Variants in CORO2B observed in about 807,000 individuals in gnomAD.
CORO2B encodes coronin 2B.
In CORO2B, 26 loss-of-function variants were observed where a neutral mutation model predicts 58.8. The ratio of observed to expected loss-of-function variants is 0.44; its 90% CI spans 0.32 to 0.61. The LOEUF is 0.61. Ranked by LOEUF, CORO2B falls within the 20% of genes least tolerant of loss-of-function variation. The pLI is 0.04. For synonymous variants in CORO2B, 242 were observed against 253.8 expected, an observed-to-expected ratio of 0.95 and a Z score of 0.44; for missense variants, 460 against 645.1, an observed-to-expected ratio of 0.71 and a Z score of 3.11.
chr15:68,650,080 C>T (rs887886950), intron 2 of CORO2B, among the ~76,000 whole-genome samples: 1 of 152,014 alleles, frequency 6.6e-6, no homozygotes, highest in Non-Finnish European at 1.5e-5. Context: ...ATGCAATATG[C>T]GATTAATCAC....
At chr15:68,626,192 C>G (rs373354451) in intron 1 of CORO2B, among the ~76,000 whole-genome samples, 27 of 152,278 alleles carry the variant, frequency 1.8e-4, no homozygotes, top group African/African-American at 6.5e-4. Context: ...GCACACAGTT[C>G]CAGTGCTTAC....
At chr15:68,524,872 T>TATAATATA in the CORO2B span, among the ~76,000 whole-genome samples, 1 of 152,234 alleles carries the variant, frequency 6.6e-6, no homozygotes, top group South Asian at 2.1e-4. Context: ...TTGCAGCAGC[T>TATAATATA]GATCAGAGGC....
At chr15:68,608,825 A>G (rs1197372711) in intron 1 of CORO2B, among the ~76,000 whole-genome samples, 1 of 152,092 alleles carries the variant, frequency 6.6e-6, no homozygotes, top group Non-Finnish European at 1.5e-5. Flanking sequence ...GGGGAGTTGA[A>G]ATTCCGCACT....
At chr15:68,641,215 C>T (rs189510831) in intron 1 of CORO2B, among the ~76,000 whole-genome samples, 171 of 152,314 alleles carry the variant, frequency 1.1e-3, no homozygotes, top group East Asian at 4.1e-3. Flanking sequence ...GGCCCATCCC[C>T]GGGGAACACG....
the CORO2B span, among the ~76,000 whole-genome samples, chr15:68,559,279 G>A: frequency 6.6e-6 from 1 of 152,184 alleles, no homozygotes; most frequent in African/African-American, 2.4e-5. The surrounding 1 kb of genome is among the most constrained non-coding windows in gnomAD (Gnocchi z 4.3). Flanking sequence ...ATAATCAGCC[G>A]GTTAATTCCC....
intron 2 of CORO2B, among the ~76,000 whole-genome samples, chr15:68,651,797 C>A (rs749838525): frequency 3.3e-5 from 5 of 152,232 alleles, no homozygotes; most frequent in Non-Finnish European, 5.9e-5. Context: ...CGAGGCCACA[C>A]CTCCTGAGGG....
chr15:68,646,132 C>T (rs1901421447), intron 2 of CORO2B, among the ~76,000 whole-genome samples: 1 of 152,008 alleles, frequency 6.6e-6, no homozygotes, highest in Non-Finnish European at 1.5e-5. Context: ...TACCTTCTTC[C>T]CCATCCCCCA....
At chr15:68,706,314 C>A (rs184739092) in intron 3 of CORO2B, among the ~76,000 whole-genome samples, 52 of 152,324 alleles carry the variant, frequency 3.4e-4, no homozygotes, top group African/African-American at 1.2e-3. Context: ...CTGCTCCTCC[C>A]AGGCCCTCCC....
At chr15:68,585,132 G>A (rs1481470257) in intron 1 of CORO2B, among the ~76,000 whole-genome samples, 2 of 152,120 alleles carry the variant, frequency 1.3e-5, no homozygotes, top group African/African-American at 4.8e-5. Context: ...GCTGTCTTTC[G>A]TACAGAATAC....
At chr15:68,697,872 G>A (rs1056759861) in intron 3 of CORO2B, among the ~76,000 whole-genome samples, 1 of 152,190 alleles carries the variant, frequency 6.6e-6, no homozygotes, top group Non-Finnish European at 1.5e-5. Context: ...GAGGGCAGGT[G>A]GAGGTGCTGC....
At chr15:68,656,526 G>T (rs1254044601) in intron 2 of CORO2B, among the ~76,000 whole-genome samples, 3 of 152,068 alleles carry the variant, frequency 2.0e-5, no homozygotes, top group Non-Finnish European at 4.4e-5. Context: ...GCTAGTTAGT[G>T]CCCCATGTGT....
chr15:68,604,281 G>A (rs1900053302), intron 1 of CORO2B, among the ~76,000 whole-genome samples: 1 of 152,128 alleles, frequency 6.6e-6, no homozygotes, highest in Non-Finnish European at 1.5e-5. Context: ...CTCAGTAGCA[G>A]CTTCTACCAT....
At chr15:68,641,468 G>C in intron 1 of CORO2B, 2 of 924,216 alleles carry the variant, frequency 2.2e-6, no homozygotes, top group Non-Finnish European at 2.6e-6. Context: ...CAGAGAGTGG[G>C]AGGAAGCAGA....
chr15:68,711,823 C>T, intron 5 of CORO2B, 117 bp downstream of exon 5: 2 of 1,200,612 alleles, frequency 1.7e-6, no homozygotes, highest in Non-Finnish European at 2.4e-6. Context: ...CATCTCACTG[C>T]ACCTCTGTTG....
At chr15:68,699,184 G>A (rs548436603) in intron 3 of CORO2B, among the ~76,000 whole-genome samples, 10 of 152,196 alleles carry the variant, frequency 6.6e-5, no homozygotes, top group African/African-American at 1.9e-4. Context: ...TGAGAGGAGC[G>A]GGCAGGAAGG....
chr15:68,608,831 G>A (rs112933611), intron 1 of CORO2B, among the ~76,000 whole-genome samples: 41 of 152,170 alleles, frequency 2.7e-4, no homozygotes, highest in South Asian at 1.7e-3. Context: ...TTGAAATTCC[G>A]CACTCTCATC....
At chr15:68,522,943 GGAT>G in the CORO2B span, among the ~76,000 whole-genome samples, 2 of 152,068 alleles carry the variant, frequency 1.3e-5, no homozygotes, top group Non-Finnish European at 2.9e-5. Flanking sequence ...TGGAGACTTT[GGAT>G]GATAACATCT....
rs57588113 is a variant in CORO2B at position 68,609,850 on chromosome 15, G to A, written c.15+30573G>A. 3.6e-3 allele frequency among the ~76,000 whole-genome samples: 551 copies of A among 152,290 alleles called. 3 individuals carry two copies. Among genetic ancestry groups the A allele is most frequent in the African/African-American group, 0.013 (520 of 41,544 alleles). Reference sequence around the variant, plus strand: ...GCGTCACTGACTGTGATGGCAGGCAGGGTGGGCTGGGGTAGGGGAGCACGA... The same window carrying A: ...GCGTCACTGACTGTGATGGCAGGCAAGGTGGGCTGGGGTAGGGGAGCACGA... On this transcript the variant is annotated intron_variant, in intron 1 of 11. Transcript: ENST00000261861.
chr15:68,628,862 G>C (rs978362198), intron 1 of CORO2B, among the ~76,000 whole-genome samples: 1 of 152,224 alleles, frequency 6.6e-6, no homozygotes, highest in South Asian at 2.1e-4. Flanking sequence ...TCTGCTGAGA[G>C]GGATGCCCTC....
Sources: gnomAD v4.1 joint callset for allele counts (sites outside exome capture counted in the v4.1 genomes callset) on GRCh38, gnomAD v4.1.1 for gene constraint, Gnocchi (gnomAD v3.1) non-coding constraint, MANE v1.5 for transcripts, NCBI Gene and HGNC (gene_info 2026-07-23, HGNC 2026-07-21) for gene names.